CCDC18: variants seen among roughly 807,000 people sequenced by gnomAD.
CCDC18 encodes coiled-coil domain-containing protein 18.
A neutral mutation model predicts 196.0 loss-of-function variants in CCDC18; 157 were observed. The ratio of observed to expected loss-of-function variants is 0.80; its 90% CI spans 0.70 to 0.91. The LOEUF (loss-of-function observed/expected upper bound fraction) is 0.91. Among genes scored for constraint, CCDC18 ranks in the 40% least tolerant of loss-of-function variants. The probability of loss-of-function intolerance (pLI) is 0.00; values close to 1 mark genes in which losing one functional copy is unlikely to be tolerated. For synonymous variants in CCDC18, 482 were observed against 529.2 expected, an observed-to-expected ratio of 0.91 and a Z score of 1.22; for missense variants, 1,465 against 1,611.6, an observed-to-expected ratio of 0.91 and a Z score of 1.56.
chr1:93,181,159 T>TTAAAA (rs777168910), intron 1 of CCDC18, among the ~76,000 whole-genome samples: 2 of 89,858 alleles, frequency 2.2e-5, no homozygotes, highest in African/African-American at 8.6e-5. Flanking sequence ...TCTATAAAAT[T>TTAAAA]AAAAAAAAAA....
At chr1:93,209,982 G>A (rs981586739) in intron 9 of CCDC18, among the ~76,000 whole-genome samples, 4 of 152,112 alleles carry the variant, frequency 2.6e-5, no homozygotes, top group African/African-American at 9.7e-5. Context: ...GATTGCTTGA[G>A]TCCAAGAGTT....
Position 93,216,755 on chromosome 1 carries a change from T to TG in CCDC18, c.1830+9_1830+10insG. 1 of 1,404,030 alleles carries TG rather than the reference T, an allele frequency of 7.1e-7. No individual in the cohort carries two copies. Among genetic ancestry groups the TG allele is most frequent in the Admixed American group, 2.1e-5 (1 of 48,328 alleles). The allele number at this position is 1,404,030 out of a possible 1,614,324, so 87.0% of individuals were successfully genotyped here. A position where few individuals can be genotyped will look rare whatever the true frequency, so the allele number is the denominator to read the frequency against. On this transcript the variant is annotated intron_variant, in intron 13 of 28. Coordinates refer to ENST00000690025, the MANE Select transcript of CCDC18 (RefSeq NM_001378204.1). ...TAGAACAGGAGCTTATGGTAAAACT[T>TG]ATCTTTGTTCCTACAAATTTACTGT...
chr1:93,211,007 T>G (rs1655526583), intron 10 of CCDC18, 81 bp downstream of exon 10: 2 of 1,448,262 alleles, frequency 1.4e-6, no homozygotes, highest in Admixed American at 3.5e-5. Flanking sequence ...CCGGGCATGG[T>G]GGCTCATGCC....
intron 28 of CCDC18, among the ~76,000 whole-genome samples, chr1:93,276,095 AG>A (rs1665607580): frequency 6.6e-6 from 1 of 152,248 alleles, no homozygotes; most frequent in African/African-American, 2.4e-5. Flanking sequence ...AGAGGGTATC[AG>A]CTGGCCTAAA....
chr1:93,276,362 A>G (rs963497445), intron 28 of CCDC18, among the ~76,000 whole-genome samples: 3 of 152,186 alleles, frequency 2.0e-5, no homozygotes, highest in African/African-American at 4.8e-5. Flanking sequence ...AGAACACAAT[A>G]TCAGCAAGTT....
In CCDC18 at chr1:93,182,351, C is replaced by G. The variant is rs946777241; in HGVS notation, c.-2-1009C>G. Among the ~76,000 whole-genome samples, 28 of 152,170 alleles carry G rather than the reference C, an allele frequency of 1.8e-4. 1 individual carries two copies. The highest frequency in any genetic ancestry group is 2.9e-5 in the Non-Finnish European group (2 of 68,036). ...AAGGACAGTTTAGTATTCGTTAATT[C>G]ATTCAAAATATTGAGCTTCTCTAAG... On this transcript the variant is annotated intron_variant, in intron 1 of 28. Transcript: ENST00000690025.
chr1:93,222,045 C>G, intron 16 of CCDC18, 109 bp downstream of exon 16: 6 of 681,858 alleles, frequency 8.8e-6, no homozygotes, highest in Non-Finnish European at 1.4e-5. Context: ...TGATAACTCA[C>G]TGCAACCTTG....
At chr1:93,190,853 G>A (rs1005167722) in intron 4 of CCDC18, 1 of 725,808 alleles carries the variant, frequency 1.4e-6, no homozygotes, top group African/African-American at 1.7e-5. Context: ...GTGCACTCAA[G>A]CCTTAGCACA....
At chr1:93,213,001 G>A (rs1462697914) in intron 11 of CCDC18, among the ~76,000 whole-genome samples, 1 of 152,130 alleles carries the variant, frequency 6.6e-6, no homozygotes, top group African/African-American at 2.4e-5. Flanking sequence ...TTCTCATAAG[G>A]AGTGAGCAGT....
Position 93,205,516 on chromosome 1 carries a change from G to A in CCDC18, c.802G>A (p.Ala268Thr), listed in dbSNP as rs781260769. 7 of 1,586,004 alleles carry A rather than the reference G, an allele frequency of 4.4e-6. No individual in the cohort carries two copies. The highest frequency in any genetic ancestry group is 4.3e-6 in the Non-Finnish European group (5 of 1,167,446). ...ACTTAAATTATTGTTTTAGGTTCAA[G>A]CTGAAGAAGAAATATTAGAGAGAAA... Reference protein sequence around the residue: ...KVAEKLEKVQAEEEILERNLT... With the variant: ...KVAEKLEKVQTEEEILERNLT... Residue 268 changes from alanine to threonine, a missense_variant, in exon 8 of 29, where the codon GCT becomes ACT. Coordinates refer to ENST00000690025, the MANE Select transcript of CCDC18 (RefSeq NM_001378204.1).
chr1:93,275,293 G>A (rs1424228859), intron 28 of CCDC18, among the ~76,000 whole-genome samples: 1 of 152,054 alleles, frequency 6.6e-6, no homozygotes, highest in Non-Finnish European at 1.5e-5. Flanking sequence ...TTTTTTAGTA[G>A]AGATGGGGTT....
chr1:93,239,939 T>C (rs779193602), intron 21 of CCDC18, 43 bp downstream of exon 21: 4 of 1,255,318 alleles, frequency 3.2e-6, no homozygotes, highest in Non-Finnish European at 4.6e-6. Context: ...TATAAGTCCT[T>C]GGATAATACA....
intron 23 of CCDC18, among the ~76,000 whole-genome samples, chr1:93,248,051 T>TA (rs1167013746): frequency 2.8e-5 from 4 of 144,494 alleles, no homozygotes; most frequent in Non-Finnish European, 4.5e-5. Context: ...AGTCTTGCTC[T>TA]GTCACCCGGG....
At chr1:93,219,671 G>A (rs992817806) in intron 14 of CCDC18, among the ~76,000 whole-genome samples, 8 of 152,194 alleles carry the variant, frequency 5.3e-5, no homozygotes, top group African/African-American at 1.9e-4. Context: ...TTGTTTATTC[G>A]TGGAATTTTC....
intron 12 of CCDC18, among the ~76,000 whole-genome samples, chr1:93,215,869 A>G (rs1656405163): frequency 1.3e-5 from 2 of 152,230 alleles, no homozygotes; most frequent in Admixed American, 6.5e-5. Flanking sequence ...TGAAAAGGGG[A>G]TAATGAGTGT....
At chr1:93,239,032 A>G (rs574415222) in intron 19 of CCDC18, among the ~76,000 whole-genome samples, 4 of 152,330 alleles carry the variant, frequency 2.6e-5, no homozygotes, top group African/African-American at 4.8e-5. Flanking sequence ...GATATTTTCA[A>G]TACATGCAAA....
chr1:93,183,873 C>T, intron 2 of CCDC18, 105 bp from the exon 3 acceptor site: 1 of 632,244 alleles, frequency 1.6e-6, no homozygotes, highest in South Asian at 4.9e-5. Flanking sequence ...AACTGTGAAT[C>T]TGCTTAGCAG....
At chr1:93,277,471 C>G (rs1356494201) in intron 28 of CCDC18, among the ~76,000 whole-genome samples, 1 of 121,500 alleles carries the variant, frequency 8.2e-6, no homozygotes, top group Non-Finnish European at 1.6e-5. Flanking sequence ...TTTTGTGTCC[C>G]TGGGTACTTG....
At chr1:93,202,858 A>G (rs970001031) in intron 7 of CCDC18, among the ~76,000 whole-genome samples, 2 of 152,326 alleles carry the variant, frequency 1.3e-5, no homozygotes, top group African/African-American at 4.8e-5. Flanking sequence ...TAAGTATAAT[A>G]TAGAAATAAG....
Sources: gnomAD v4.1 joint callset for allele counts (sites outside exome capture counted in the v4.1 genomes callset) on GRCh38, gnomAD v4.1.1 for gene constraint, MANE v1.5 for transcripts, NCBI Gene and HGNC (gene_info 2026-07-23, HGNC 2026-07-21) for gene names.